Variants in PDSS2 observed in about 807,000 individuals in gnomAD.
PDSS2 encodes all trans-polyprenyl-diphosphate synthase PDSS2.
Under a neutral mutation model 44.5 loss-of-function variants are expected in PDSS2, and 31 were observed. The ratio of observed to expected loss-of-function variants is 0.70; its 90% CI spans 0.52 to 0.94. PDSS2 has a LOEUF of 0.94. PDSS2 is among the 40% of genes least tolerant of loss of function. PDSS2 has a pLI of 0.00. For synonymous variants in PDSS2, 157 were observed against 180.3 expected, an observed-to-expected ratio of 0.87 and a Z score of 1.03; for missense variants, 452 against 482.2, an observed-to-expected ratio of 0.94 and a Z score of 0.59.
chr6:107,259,640 A>G (rs904187148), intron 3 of PDSS2, among the ~76,000 whole-genome samples: 7 of 151,748 alleles, frequency 4.6e-5, no homozygotes, highest in Non-Finnish European at 8.8e-5. Context: ...GCACCACTGC[A>G]TTCCAGCCTG....
chr6:107,212,286 A>G lies in PDSS2; in HGVS notation c.703-4T>C. On this transcript the variant is annotated splice_polypyrimidine_tract_variant and splice_region_variant and intron_variant, in intron 4 of 7. Coordinates refer to ENST00000369037, the MANE Select transcript of PDSS2 (RefSeq NM_020381.4). The stretch of plus-strand genomic sequence containing the variant: ...TATCATCTGTGATATAACTTTCCTA[A>G]AAATGTAACAAAAGCCAAGATAAAA... 1 of 1,606,560 alleles carries G rather than the reference A, an allele frequency of 6.2e-7. No homozygotes were observed. The highest frequency in any genetic ancestry group is 8.5e-7 in the Non-Finnish European group (1 of 1,175,112).
intron 7 of PDSS2, among the ~76,000 whole-genome samples, chr6:107,173,095 A>T (rs1582735096): frequency 6.8e-6 from 1 of 146,606 alleles, no homozygotes. Context: ...CTGCACTCCA[A>T]CCTGGCAACA....
chr6:107,274,667 C>CTCT (rs1775717003), intron 2 of PDSS2, among the ~76,000 whole-genome samples: 1 of 106,556 alleles, frequency 9.4e-6, no homozygotes, highest in African/African-American at 3.3e-5. Context: ...ATCTCTCTCT[C>CTCT]TTTTTTTTTT....
chr6:107,393,831 T>C (rs1026501575), intron 1 of PDSS2, among the ~76,000 whole-genome samples: 2 of 152,200 alleles, frequency 1.3e-5, no homozygotes, highest in Non-Finnish European at 2.9e-5. Context: ...ATAATACATG[T>C]TCCTTTTTAA....
At chr6:107,225,137 T>TATATATATATATATATTTA (rs1446558243) in intron 4 of PDSS2, among the ~76,000 whole-genome samples, 16 of 62,384 alleles carry the variant, frequency 2.6e-4, no homozygotes, top group South Asian at 4.7e-4. Context: ...ATATATATTT[T>TATATATATATATATATTTA]TATATATATA....
At chr6:107,189,145 T>C (rs1036648818) in intron 7 of PDSS2, among the ~76,000 whole-genome samples, 1 of 152,144 alleles carries the variant, frequency 6.6e-6, no homozygotes, top group Non-Finnish European at 1.5e-5. Flanking sequence ...CCTCTCAGGC[T>C]CAAGCAATCC....
chr6:107,227,278 C>CTTTTTTTTTTTTTTTT lies in PDSS2; in HGVS notation c.703-15012_703-14997dup, dbSNP rs60988844. On this transcript the variant is annotated intron_variant, in intron 4 of 7. Coordinates refer to ENST00000369037, the MANE Select transcript of PDSS2 (RefSeq NM_020381.4). The stretch of plus-strand genomic sequence containing the variant: ...GATTATAGGTGTAAGCCACTGTGCC[C>CTTTTTTTTTTTTTTTT]TTTTTTTTTTTTTTTTTTTTTTTTT... Among the ~76,000 whole-genome samples, 23 of 102,804 alleles carry CTTTTTTTTTTTTTTTT rather than the reference C, an allele frequency of 2.2e-4. 2 individuals carry two copies. The highest frequency in any genetic ancestry group is 6.0e-4 in the South Asian group (2 of 3,354). 67.4% of individuals were successfully genotyped at this position (102,804 alleles called of 152,430 possible).
intron 1 of PDSS2, among the ~76,000 whole-genome samples, chr6:107,339,590 C>T (rs1442177852): frequency 6.6e-6 from 1 of 151,836 alleles, no homozygotes; most frequent in Non-Finnish European, 1.5e-5. Context: ...GTAATAGATG[C>T]TACAAGGGAA....
chr6:107,290,276 A>C (rs1214422627), intron 2 of PDSS2, among the ~76,000 whole-genome samples: 1 of 152,252 alleles, frequency 6.6e-6, no homozygotes, highest in Non-Finnish European at 1.5e-5. Context: ...GGGGAGTGAT[A>C]CAAAATAATC....
At chr6:107,402,480 A>G (rs866509969) in intron 1 of PDSS2, among the ~76,000 whole-genome samples, 3 of 18,212 alleles carry the variant, frequency 1.6e-4, no homozygotes, top group African/African-American at 1.4e-3. Flanking sequence ...ATATGTATAC[A>G]TATATACGTA....
chr6:107,409,142 T>G (rs888498655), intron 1 of PDSS2, among the ~76,000 whole-genome samples: 1 of 152,150 alleles, frequency 6.6e-6, no homozygotes, highest in Non-Finnish European at 1.5e-5. Flanking sequence ...TGCAGAACAC[T>G]GGAAGAAAAT....
At chr6:107,377,599 C>T (rs1233038119) in intron 1 of PDSS2, among the ~76,000 whole-genome samples, 26 of 152,052 alleles carry the variant, frequency 1.7e-4, no homozygotes, top group African/African-American at 5.5e-4. Flanking sequence ...ATGTTTATTG[C>T]GGCACTATTC....
intron 7 of PDSS2, among the ~76,000 whole-genome samples, chr6:107,167,395 G>T (rs376319815): frequency 6.6e-6 from 1 of 151,992 alleles, no homozygotes; most frequent in South Asian, 2.1e-4. Context: ...CTTGCTAGTG[G>T]TCTATCAATT....
intron 1 of PDSS2, among the ~76,000 whole-genome samples, chr6:107,389,374 A>C (rs1182434008): frequency 2.0e-5 from 3 of 152,238 alleles, no homozygotes; most frequent in South Asian, 4.1e-4. Flanking sequence ...GGAAAATAAT[A>C]TTTTGACTGT....
At chr6:107,247,665 CT>C (rs1161362657) in intron 3 of PDSS2, among the ~76,000 whole-genome samples, 1 of 152,076 alleles carries the variant, frequency 6.6e-6, no homozygotes, top group African/African-American at 2.4e-5. Context: ...ATATCAATCT[CT>C]TTACATTGCC....
At chr6:107,323,477 T>C (rs958524151) in intron 2 of PDSS2, among the ~76,000 whole-genome samples, 1 of 152,104 alleles carries the variant, frequency 6.6e-6, no homozygotes, top group African/African-American at 2.4e-5. Flanking sequence ...GCTGTACAGA[T>C]GAGTAATTTC....
chr6:107,459,549 G>A lies in PDSS2; in HGVS notation c.-264C>T. 3 of 520,486 alleles carry A rather than the reference G, an allele frequency of 5.8e-6. No individual in the cohort carries two copies. The highest frequency in any genetic ancestry group is 2.3e-5 in the South Asian group (1 of 44,194). The allele number at this position is 520,486 out of a possible 1,614,324, so 32.2% of individuals were successfully genotyped here. On this transcript the variant is annotated 5_prime_UTR_variant, in exon 1 of 8. Transcript: ENST00000369037. This position sits in a 1 kb window ranked among gnomAD's most constrained non-coding sequence, Gnocchi z 4.3. ...CACAGCCACTGCCTATGTGGAGGAC[G>A]CCATATTGGAGGCATGGAATGCGGC...
At chr6:107,416,276 G>T (rs1016285726) in intron 1 of PDSS2, among the ~76,000 whole-genome samples, 1 of 152,054 alleles carries the variant, frequency 6.6e-6, no homozygotes, top group Non-Finnish European at 1.5e-5. Flanking sequence ...GGACCCATGA[G>T]CCAGAGAAGA....
At chr6:107,219,304 T>G (rs926997118) in intron 4 of PDSS2, among the ~76,000 whole-genome samples, 3 of 152,130 alleles carry the variant, frequency 2.0e-5, no homozygotes, top group African/African-American at 7.2e-5. Flanking sequence ...TTATTTATTT[T>G]TGTGATGGAG....
Sources: allele counts gnomAD v4.1 joint callset (sites outside exome capture counted in the v4.1 genomes callset), GRCh38; gene constraint gnomAD v4.1.1; non-coding constraint Gnocchi (gnomAD v3.1); transcripts MANE v1.5; gene names NCBI Gene and HGNC (gene_info 2026-07-23, HGNC 2026-07-21).